Variants in USP26 observed in about 807,000 individuals in gnomAD.
The protein encoded by USP26 is ubiquitin specific peptidase 26.
For synonymous variants in USP26, 236 were observed against 240.6 expected, an observed-to-expected ratio of 0.98 and a Z score of 0.18; for missense variants, 649 against 642.3, an observed-to-expected ratio of 1.01 and a Z score of -0.11.
intron 5 of USP26, among the ~76,000 whole-genome samples, chrX:133,073,338 A>T (rs905343126): frequency 1.3e-3 from 1 of 775 alleles, no homozygotes; most frequent in East Asian, 0.071. Context: ...CATGGGACTA[A>T]AAAAAAAAAA....
intron 5 of USP26, among the ~76,000 whole-genome samples, chrX:133,075,560 G>A (rs1204874360): frequency 1.8e-5 from 2 of 112,018 alleles, no homozygotes; most frequent in Non-Finnish European, 3.8e-5. Flanking sequence ...TAAGATATTA[G>A]GGCAGGAATC....
At chrX:133,033,436 T>A (rs997198563) in intron 5 of USP26, among the ~76,000 whole-genome samples, 5 of 112,425 alleles carry the variant, frequency 4.4e-5, no homozygotes, top group Non-Finnish European at 9.4e-5. Context: ...TAGCAAATTG[T>A]TCCCATGAAC....
chrX:133,087,141 C>T (rs868274677), intron 4 of USP26, among the ~76,000 whole-genome samples: 10 of 110,828 alleles, frequency 9.0e-5, no homozygotes, highest in African/African-American at 3.0e-4. Flanking sequence ...CAGAAATATA[C>T]GCCATGGAGA....
intron 5 of USP26, among the ~76,000 whole-genome samples, chrX:133,033,180 TA>T (rs2067384023): frequency 9.0e-6 from 1 of 111,713 alleles, no homozygotes; most frequent in African/African-American, 3.3e-5. Context: ...ACACTGCCTC[TA>T]GAGCATTAGC....
At position 133,027,324 on chromosome X, in the gene USP26, A is replaced by G; in HGVS notation, c.897T>C (p.Asn299=). The G allele has an allele frequency of 1.7e-6, 2 of 1,210,387 alleles. No individual in the cohort carries two copies. Among genetic ancestry groups the G allele is most frequent in the Non-Finnish European group, 2.2e-6 (2 of 894,205 alleles). Residue 299 remains asparagine, a synonymous_variant, in exon 6 of 6, where the codon AAT becomes AAC. Coordinates refer to ENST00000511190, the MANE Select transcript of USP26 (RefSeq NM_031907.3). ...FPEKICHGLP[N]LGNTCYMNAV... is the part of the protein sequence containing the mutation. Reference sequence around the variant, plus strand: ...CATTCATATAACAGGTGTTTCCCAAATTGGGGAGGCCGTGGCATATTTTCT... The same window carrying G: ...CATTCATATAACAGGTGTTTCCCAAGTTGGGGAGGCCGTGGCATATTTTCT...
chrX:133,061,821 C>T (rs2067495060), intron 5 of USP26, among the ~76,000 whole-genome samples: 2 of 111,766 alleles, frequency 1.8e-5, no homozygotes, highest in African/African-American at 6.5e-5. Context: ...TGTGCTTATA[C>T]CACCAGGCCC....
chrX:133,090,253 A>AAGTT (rs1193213282), intron 3 of USP26, 27 bp from the exon 4 acceptor site: 2 of 111,540 alleles, frequency 1.8e-5, no homozygotes, highest in South Asian at 3.8e-4. Context: ...AAAAGAAAGA[A>AAGTT]AGTTAGTTAC....
intron 5 of USP26, among the ~76,000 whole-genome samples, chrX:133,068,791 A>G (rs1017604288): frequency 8.9e-6 from 1 of 112,753 alleles, no homozygotes; most frequent in Non-Finnish European, 1.9e-5. Flanking sequence ...GGAATGCAAT[A>G]TATTTCAAGA....
intron 5 of USP26, among the ~76,000 whole-genome samples, chrX:133,062,731 C>T (rs1171942013): frequency 9.0e-6 from 1 of 110,526 alleles, no homozygotes; most frequent in Non-Finnish European, 1.9e-5. Context: ...AAAGGACCCC[C>T]CCGCCACAAA....
In USP26 at chrX:133,057,187, T is replaced by C. The variant is rs938908980; in HGVS notation, c.-77+26520A>G. On this transcript the variant is annotated intron_variant, in intron 5 of 5. Coordinates refer to ENST00000511190, the MANE Select transcript of USP26 (RefSeq NM_031907.3). The stretch of plus-strand genomic sequence containing the variant: ...AGTGGTTTGCTGCACCTATCAGTCC[T>C]TCATCTAGGTTTTAAGCCCTGCATG... Among the ~76,000 whole-genome samples, 6 of 111,937 alleles carry C rather than the reference T, an allele frequency of 5.4e-5. No homozygotes were observed. The Admixed American group carries it at 5.7e-4, about 11-fold the overall frequency.
intron 5 of USP26, among the ~76,000 whole-genome samples, chrX:133,044,418 C>A (rs142999931): frequency 0.035 from 3,913 of 113,060 alleles, 97 homozygotes; most frequent in East Asian, 0.1. Flanking sequence ...GCAGTGCTTG[C>A]GGGCCAGCTA....
chrX:133,038,443 TTC>T (rs766046552), intron 5 of USP26, among the ~76,000 whole-genome samples: 24 of 112,043 alleles, frequency 2.1e-4, no homozygotes, highest in Non-Finnish European at 3.9e-4. Flanking sequence ...TTGTCATTGG[TTC>T]TGTTTATGTG....
At chrX:133,045,555 C>T (rs2067436063) in intron 5 of USP26, among the ~76,000 whole-genome samples, 1 of 111,922 alleles carries the variant, frequency 8.9e-6, no homozygotes, top group African/African-American at 3.3e-5. Context: ...ACATTCATCG[C>T]AAAGGTCTAC....
At chrX:133,041,820 T>C (rs1162736080) in intron 5 of USP26, among the ~76,000 whole-genome samples, 3 of 112,135 alleles carry the variant, frequency 2.7e-5, no homozygotes, top group Non-Finnish European at 5.6e-5. Context: ...CAGCCACCCT[T>C]CCTCCTACGT....
chrX:133,082,032 A>G (rs923230892), intron 5 of USP26, among the ~76,000 whole-genome samples: 2 of 111,784 alleles, frequency 1.8e-5, no homozygotes, highest in African/African-American at 6.5e-5. Context: ...CCACATAACG[A>G]AAGTCCCAGA....
chrX:133,057,978 C>T (rs1431385292), intron 5 of USP26, among the ~76,000 whole-genome samples: 4 of 88,754 alleles, frequency 4.5e-5, no homozygotes, highest in Non-Finnish European at 8.7e-5. Flanking sequence ...CCCGGGTTCA[C>T]GCTGTTCTCC....
chrX:133,077,008 C>G (rs929644269), intron 5 of USP26, among the ~76,000 whole-genome samples: 3 of 112,182 alleles, frequency 2.7e-5, no homozygotes, highest in African/African-American at 9.7e-5. Context: ...GGAAGAGTAA[C>G]CAATACTAAG....
intron 4 of USP26, 60 bp from the exon 5 acceptor site, chrX:133,083,831 C>T: frequency 9.0e-6 from 1 of 111,583 alleles, no homozygotes; most frequent in Non-Finnish European, 1.9e-5. Context: ...GCAGTTTATA[C>T]ATACTCCTTT....
intron 5 of USP26, among the ~76,000 whole-genome samples, chrX:133,080,088 G>A (rs1323718621): frequency 9.0e-6 from 1 of 111,398 alleles, no homozygotes; most frequent in Admixed American, 9.6e-5. Context: ...AACGAGGCTT[G>A]GTTTTGTTTA....
Sources: gnomAD v4.1 joint callset for allele counts (sites outside exome capture counted in the v4.1 genomes callset) on GRCh38, gnomAD v4.1.1 for gene constraint, MANE v1.5 for transcripts, NCBI Gene and HGNC (gene_info 2026-07-23, HGNC 2026-07-21) for gene names.